SLC7A9: variants seen among roughly 807,000 people sequenced by gnomAD.
The protein encoded by SLC7A9 is B(0,+)-type amino acid transporter 1.
A neutral mutation model predicts 54.1 loss-of-function variants in SLC7A9; 38 were observed. That is an observed-to-expected ratio of 0.70 (90% CI 0.54 to 0.92). SLC7A9 has a LOEUF of 0.92. Among genes scored for constraint, SLC7A9 ranks in the 40% least tolerant of loss-of-function variants. The pLI is 0.00. For missense variants in SLC7A9, 537 were observed against 636.1 expected, an observed-to-expected ratio of 0.84 and a Z score of 1.68; for synonymous variants, 264 against 258.9, an observed-to-expected ratio of 1.02 and a Z score of -0.19.
intron 8 of SLC7A9, among the ~76,000 whole-genome samples, chr19:32,859,264 C>G (rs962300824): frequency 6.6e-6 from 1 of 151,994 alleles, no homozygotes; most frequent in Non-Finnish European, 1.5e-5. Flanking sequence ...CACCCAGCTG[C>G]GTAATTCTTG....
intron 9 of SLC7A9, among the ~76,000 whole-genome samples, chr19:32,856,881 G>C (rs962680075): frequency 5.9e-5 from 9 of 152,204 alleles, no homozygotes; most frequent in Admixed American, 1.3e-4. Flanking sequence ...GGCCGGGTGT[G>C]GTGGCTCACA....
At chr19:32,858,260 C>A (rs918373317) in intron 9 of SLC7A9, among the ~76,000 whole-genome samples, 180 bp downstream of exon 9, 2 of 152,140 alleles carry the variant, frequency 1.3e-5, no homozygotes, top group African/African-American at 4.8e-5. Flanking sequence ...CCATGCCTTC[C>A]TGGCCAGTTT....
At chr19:32,844,595 T>G (rs2145813660) in intron 9 of SLC7A9, among the ~76,000 whole-genome samples, 1 of 152,080 alleles carries the variant, frequency 6.6e-6, no homozygotes, top group East Asian at 1.9e-4. Flanking sequence ...ACTGGGAGAC[T>G]GAGGCAGGTG....
chr19:32,865,439 G>A (rs1194937460), intron 2 of SLC7A9, among the ~76,000 whole-genome samples: 2 of 152,248 alleles, frequency 1.3e-5, no homozygotes, highest in African/African-American at 4.8e-5. Flanking sequence ...AAAGTGCTGG[G>A]ATTGCAGGCG....
At chr19:32,865,615 G>A (rs1968944008) in intron 2 of SLC7A9, among the ~76,000 whole-genome samples, 1 of 152,200 alleles carries the variant, frequency 6.6e-6, no homozygotes, top group Non-Finnish European at 1.5e-5. Flanking sequence ...CCTAGAAAGG[G>A]GCACGAGGGA....
At chr19:32,836,982 A>G (rs1967976199) in intron 11 of SLC7A9, among the ~76,000 whole-genome samples, 2 of 152,290 alleles carry the variant, frequency 1.3e-5, no homozygotes, top group Non-Finnish European at 2.9e-5. Context: ...GATCCGCCTG[A>G]AAAATCTTTT....
Position 32,832,878 on chromosome 19 carries a change from T to A in SLC7A9, c.1399+271A>T, listed in dbSNP as rs1967846391. 7.1e-6 allele frequency: 3 copies of A among 423,916 alleles called. No individual in the cohort carries two copies. The Admixed American group carries it at 1.1e-4, about 15-fold the overall frequency. 26.3% of individuals were successfully genotyped at this position (423,916 alleles called of 1,614,324 possible). ...GAGCTATGACCATGCCACTGCACTT[T>A]AGCCTGGGCAACAGAGCAAGACTGT... On this transcript the variant is annotated intron_variant, in intron 12 of 12. Coordinates refer to ENST00000023064, the MANE Select transcript of SLC7A9 (RefSeq NM_014270.5).
intron 12 of SLC7A9, 129 bp downstream of exon 12, chr19:32,833,020 C>G (rs1239361950): frequency 2.1e-6 from 2 of 937,484 alleles, no homozygotes; most frequent in Non-Finnish European, 3.5e-6. Flanking sequence ...GGCATGTGTC[C>G]TCCTGGGACG....
Position 32,842,161 on chromosome 19 carries a change from A to G in SLC7A9, c.1224+7T>C, listed in dbSNP as rs749625433. 1.9e-6 allele frequency: 3 copies of G among 1,614,140 alleles called. No individual in the cohort carries two copies. The highest frequency in any genetic ancestry group is 1.6e-4 in the Middle Eastern group (1 of 6,062). Reference sequence around the variant, plus strand: ...AGCCACTCGTGACTCTGGGGCTGCAAGCTTACCTTGATAGGCCTTTCCAGC... The same window carrying G: ...AGCCACTCGTGACTCTGGGGCTGCAGGCTTACCTTGATAGGCCTTTCCAGC... On this transcript the variant is annotated splice_region_variant and intron_variant, in intron 11 of 12. Coordinates refer to ENST00000023064, the MANE Select transcript of SLC7A9 (RefSeq NM_014270.5).
chr19:32,833,406 A>G (rs1379588790), intron 11 of SLC7A9, 83 bp from the exon 12 acceptor site: 15 of 1,155,370 alleles, frequency 1.3e-5, no homozygotes, highest in Non-Finnish European at 1.9e-5. Context: ...TAAAAAGAGT[A>G]TGAACTCCAT....
rs571304580 is a variant in SLC7A9, at chr19:32,847,884, G to A, written c.978-3933C>T. ...AGAAGAGAGTGGGGGCCAACATTCA[G>A]CATTCTTAAAGAAAAGAATTTTCAA... On this transcript the variant is annotated intron_variant, in intron 9 of 12. Transcript: ENST00000023064. Among the ~76,000 whole-genome samples, 400 of 152,242 alleles carry A rather than the reference G, an allele frequency of 2.6e-3. 2 individuals carry two copies. Among genetic ancestry groups the A allele is most frequent in the African/African-American group, 9.4e-3 (392 of 41,550 alleles).
rs1968886037 is a variant in SLC7A9 at position 32,864,075 on chromosome 19, GC to G, written c.478+20del. ...CTGTGCCAGGTCTTTTCTGACCCCT[GC>G]CCTGGGCTCAGGTACTCACAGATGG... On this transcript the variant is annotated intron_variant, in intron 4 of 12. Transcript: ENST00000023064. 6.2e-7 allele frequency: 1 copy of G among 1,613,754 alleles called. No individual in the cohort carries two copies.
intron 9 of SLC7A9, among the ~76,000 whole-genome samples, chr19:32,855,445 A>C (rs1188079499): frequency 3.3e-5 from 5 of 152,174 alleles, no homozygotes; most frequent in Non-Finnish European, 7.3e-5. Context: ...CACGCCTGTA[A>C]TCCCAGCACT....
At chr19:32,852,352 T>C (rs990602081) in intron 9 of SLC7A9, among the ~76,000 whole-genome samples, 4 of 151,954 alleles carry the variant, frequency 2.6e-5, no homozygotes, top group South Asian at 2.1e-4. Context: ...TAGCCATGCA[T>C]GGTGGCACGT....
intron 11 of SLC7A9, among the ~76,000 whole-genome samples, chr19:32,835,996 C>CCT (rs1476381428): frequency 6.6e-6 from 1 of 151,850 alleles, no homozygotes; most frequent in Non-Finnish European, 1.5e-5. Context: ...CTCACTGCAA[C>CCT]CTCTGCCTCC....
chr19:32,859,291 G>A (rs1968723271), intron 8 of SLC7A9, among the ~76,000 whole-genome samples: 1 of 151,902 alleles, frequency 6.6e-6, no homozygotes, highest in South Asian at 2.1e-4. Flanking sequence ...TCAATATCCT[G>A]ACACCTTCAC....
In SLC7A9 at chr19:32,855,543, CA is replaced by C. The variant is rs746142961; in HGVS notation, c.977+2896del. Among the ~76,000 whole-genome samples the C allele has an allele frequency of 7.3e-5, 11 of 151,246 alleles. 1 individual carries two copies. Among genetic ancestry groups the C allele is most frequent in the South Asian group, 2.1e-4 (1 of 4,792 alleles). On this transcript the variant is annotated intron_variant, in intron 9 of 12. Coordinates refer to ENST00000023064, the MANE Select transcript of SLC7A9 (RefSeq NM_014270.5). Reference sequence around the variant, plus strand: ...TGAAACCCCATCTCTACTAAAAATACAAAAAAAAATTAGCCGGGCGTGATGG... The same window carrying C: ...TGAAACCCCATCTCTACTAAAAATACAAAAAAAATTAGCCGGGCGTGATGG...
chr19:32,830,692 AAG>A lies in SLC7A9; in HGVS notation c.1400-10_1400-9del, dbSNP rs771391686. The A allele has an allele frequency of 6.2e-7, 1 of 1,612,602 alleles. No individual in the cohort carries two copies. Among genetic ancestry groups the A allele is most frequent in the Non-Finnish European group, 8.5e-7 (1 of 1,178,652 alleles). ...GGTGCATGGTAATCGGCTCTGAAAT[AAG>A]AGTCAAAAATGAGTACAGTTAGTTA... On this transcript the variant is annotated splice_polypyrimidine_tract_variant and intron_variant, in intron 12 of 12. Transcript: ENST00000023064.
At chr19:32,849,496 CT>C in intron 9 of SLC7A9, among the ~76,000 whole-genome samples, 1 of 151,972 alleles carries the variant, frequency 6.6e-6, no homozygotes, top group Non-Finnish European at 1.5e-5. Context: ...AGTTGAATCT[CT>C]GAATAGACCA....
Sources: allele counts gnomAD v4.1 joint callset (sites outside exome capture counted in the v4.1 genomes callset), GRCh38; gene constraint gnomAD v4.1.1; transcripts MANE v1.5; gene names NCBI Gene and HGNC (gene_info 2026-07-23, HGNC 2026-07-21).